Variants in PTPRD observed in about 807,000 individuals in gnomAD.
PTPRD encodes receptor-type tyrosine-protein phosphatase delta.
Under a neutral mutation model 214.5 loss-of-function variants are expected in PTPRD, and 34 were observed. The observed-to-expected ratio is 0.16, with a 90% CI of 0.12 to 0.21. The LOEUF is 0.21. Among genes scored for constraint, PTPRD ranks in the 10% least tolerant of loss-of-function variants. The pLI is 1.00. For synonymous variants in PTPRD, 1,128 were observed against 845.7 expected (o/e 1.33, Z -5.79); for missense variants, 2,545 against 2,398.7 (o/e 1.06, Z -1.27).
rs1375476773 is a variant in PTPRD at position 9,105,424 on chromosome 9, G to A, written c.-143+77880C>T. Reference sequence around the variant, plus strand: ...CAGTGATTCCTTAGTGACTATAGTTGATAAAAATTGAGAAAATGCAGTTGG... The same window carrying A: ...CAGTGATTCCTTAGTGACTATAGTTAATAAAAATTGAGAAAATGCAGTTGG... On this transcript the variant is annotated intron_variant, in intron 10 of 45. Coordinates refer to ENST00000381196, the MANE Select transcript of PTPRD (RefSeq NM_002839.4). 2.0e-5 allele frequency among the ~76,000 whole-genome samples: 3 copies of A among 152,144 alleles called. No individual in the cohort carries two copies. The East Asian group carries it at 5.8e-4, about 29-fold the overall frequency.
chr9:9,650,928 C>T (rs2096326401), intron 7 of PTPRD, among the ~76,000 whole-genome samples: 1 of 151,802 alleles, frequency 6.6e-6, no homozygotes, highest in African/African-American at 2.4e-5. Flanking sequence ...ATATTATCTA[C>T]AAATAGCAAT....
At chr9:10,010,339 G>C (rs936171755) in intron 4 of PTPRD, among the ~76,000 whole-genome samples, 2 of 128,490 alleles carry the variant, frequency 1.6e-5, no homozygotes, top group East Asian at 4.2e-4. Context: ...ACAATTGTTC[G>C]AACATGTGCG....
intron 12 of PTPRD, among the ~76,000 whole-genome samples, chr9:8,720,897 G>A (rs2098486678): frequency 6.6e-6 from 1 of 152,094 alleles, no homozygotes; most frequent in Non-Finnish European, 1.5e-5. Flanking sequence ...TCTGGCTGCT[G>A]TGCATTTTGA....
At chr9:8,516,065 T>G (rs1422469434) in intron 21 of PTPRD, among the ~76,000 whole-genome samples, 3 of 152,208 alleles carry the variant, frequency 2.0e-5, no homozygotes, top group Non-Finnish European at 4.4e-5. Flanking sequence ...AAGCTCAAAG[T>G]GGAATGTAAG....
At chr9:9,337,571 T>G (rs1189768133) in intron 9 of PTPRD, among the ~76,000 whole-genome samples, 2 of 152,164 alleles carry the variant, frequency 1.3e-5, no homozygotes, top group Non-Finnish European at 2.9e-5. Context: ...CTCTGAGAAT[T>G]TGCTTAATAT....
chr9:10,085,054 A>G (rs2098311308), intron 3 of PTPRD, among the ~76,000 whole-genome samples: 1 of 151,198 alleles, frequency 6.6e-6, no homozygotes, highest in Non-Finnish European at 1.5e-5. Flanking sequence ...GGTGTGTAGT[A>G]TGGTGGGCTG....
intron 34 of PTPRD, among the ~76,000 whole-genome samples, chr9:8,449,131 G>C (rs955694620): frequency 2.0e-5 from 3 of 152,086 alleles, no homozygotes; most frequent in Admixed American, 6.5e-5. Flanking sequence ...TTTATTTTAA[G>C]AAACAAGTAT....
chr9:8,333,674 T>A (rs772976340), intron 43 of PTPRD, among the ~76,000 whole-genome samples: 5 of 152,234 alleles, frequency 3.3e-5, no homozygotes, highest in Non-Finnish European at 7.4e-5. Flanking sequence ...GCCAGCATCA[T>A]AATGACAGAA....
chr9:9,581,778 CA>C (rs758671964), intron 7 of PTPRD, among the ~76,000 whole-genome samples: 1 of 152,074 alleles, frequency 6.6e-6, no homozygotes, highest in Admixed American at 6.6e-5. Context: ...GTGAGACTAG[CA>C]AACTATCCTA....
At chr9:8,650,412 C>A (rs925118978) in intron 12 of PTPRD, among the ~76,000 whole-genome samples, 1 of 151,740 alleles carries the variant, frequency 6.6e-6, no homozygotes, top group African/African-American at 2.4e-5. Flanking sequence ...GTAATCCCAG[C>A]TGCTCGGGAG....
At chr9:9,553,970 T>C (rs2080929886) in intron 8 of PTPRD, among the ~76,000 whole-genome samples, 1 of 152,052 alleles carries the variant, frequency 6.6e-6, no homozygotes, top group Non-Finnish European at 1.5e-5. Flanking sequence ...CTACAGATTC[T>C]GGGTATTTTA....
At chr9:8,974,730 A>T (rs1200151213) in intron 11 of PTPRD, among the ~76,000 whole-genome samples, 1 of 152,088 alleles carries the variant, frequency 6.6e-6, no homozygotes, top group Non-Finnish European at 1.5e-5. Flanking sequence ...AAAGATGCAG[A>T]CAGTAATAGT....
chr9:10,316,264 C>T (rs1021823191), intron 3 of PTPRD, among the ~76,000 whole-genome samples: 1 of 150,876 alleles, frequency 6.6e-6, no homozygotes, highest in African/African-American at 2.4e-5. Flanking sequence ...GTATACTATT[C>T]CCAATAATTT....
chr9:8,775,024 C>A (rs1482765252), intron 11 of PTPRD, among the ~76,000 whole-genome samples: 1 of 152,110 alleles, frequency 6.6e-6, no homozygotes, highest in Non-Finnish European at 1.5e-5. Context: ...GATCGGGCGC[C>A]ATGGCCAAAT....
At chr9:9,983,889 A>G (rs1263171072) in intron 4 of PTPRD, among the ~76,000 whole-genome samples, 1 of 152,146 alleles carries the variant, frequency 6.6e-6, no homozygotes. Flanking sequence ...TTTATTCATT[A>G]ATTTATAGTA....
chr9:8,403,522 G>A (rs2092665295), intron 36 of PTPRD, among the ~76,000 whole-genome samples: 1 of 152,194 alleles, frequency 6.6e-6, no homozygotes, highest in Non-Finnish European at 1.5e-5. Flanking sequence ...TGTAGCCAGA[G>A]TAACTAATGA....
At chr9:9,458,167 C>T (rs1349759018) in intron 8 of PTPRD, among the ~76,000 whole-genome samples, 9 of 151,848 alleles carry the variant, frequency 5.9e-5, no homozygotes, top group African/African-American at 1.9e-4. Context: ...CTTTAAATTA[C>T]ACTCTAGATA....
intron 11 of PTPRD, among the ~76,000 whole-genome samples, chr9:8,927,971 TTTTTTCA>T (rs1441507620): frequency 6.6e-6 from 1 of 152,216 alleles, no homozygotes; most frequent in Non-Finnish European, 1.5e-5. Flanking sequence ...ATGATGAGCT[TTTTTTCA>T]TATTTGTTGG....
intron 7 of PTPRD, among the ~76,000 whole-genome samples, chr9:9,617,062 G>T (rs1297086653): frequency 6.6e-6 from 1 of 152,158 alleles, no homozygotes; most frequent in Non-Finnish European, 1.5e-5. Context: ...TTCACCCTGT[G>T]AAAAGAGCCA....
Sources: allele counts gnomAD v4.1 joint callset (sites outside exome capture counted in the v4.1 genomes callset), GRCh38; gene constraint gnomAD v4.1.1; transcripts MANE v1.5; gene names NCBI Gene and HGNC (gene_info 2026-07-23, HGNC 2026-07-21).